CHD3: variants seen among roughly 807,000 people sequenced by gnomAD.
CHD3 encodes chromodomain helicase DNA binding protein 3.
In CHD3, 52 loss-of-function variants were observed where a neutral mutation model predicts 248.9. The observed-to-expected ratio is 0.21, with a 90% confidence interval of 0.17 to 0.26. CHD3 has a LOEUF of 0.26. CHD3 is among the 10% of genes least tolerant of loss of function. The probability of loss-of-function intolerance (pLI) is 1.00; values close to 1 mark genes in which losing one functional copy is unlikely to be tolerated. For synonymous variants in CHD3, 985 were observed against 985.2 expected (o/e 1.00, Z 0.00); for missense variants, 1,482 against 2,605.8 (o/e 0.57, Z 9.39).
chr17:7,885,587 C>T (rs535583020), upstream of CHD3, among the ~76,000 whole-genome samples: 1 of 151,698 alleles, frequency 6.6e-6, no homozygotes, highest in African/African-American at 2.4e-5. Context: ...GCGCGAGCGC[C>T]CCTCGGGCTC....
At position 7,910,741 on chromosome 17, in the gene CHD3, C is replaced by A; in HGVS notation, c.5755-106C>A. The A allele has an allele frequency of 6.6e-7, 1 of 1,517,440 alleles. No individual in the cohort carries two copies. The highest frequency in any genetic ancestry group is 8.9e-7 in the Non-Finnish European group (1 of 1,126,374). 94.0% of individuals were successfully genotyped at this position (1,517,440 alleles called of 1,614,324 possible). A position where few individuals can be genotyped will look rare whatever the true frequency, so the allele number is the denominator to read the frequency against. ...TGAGTGAGTCTCCCTGCCTGTGTAT[C>A]CTACCCTTAGCAGTTGTGGAGTGTG... On this transcript the variant is annotated intron_variant, in intron 38 of 39. Transcript: ENST00000330494. The surrounding 1 kb of genome is among the most constrained non-coding windows in gnomAD (Gnocchi z 4.7).
At position 7,901,388 on chromosome 17, in the gene CHD3, C is replaced by T; in HGVS notation, c.3252+13C>T. 1.3e-6 allele frequency: 2 copies of T among 1,579,390 alleles called. No individual in the cohort carries two copies. Among genetic ancestry groups the T allele is most frequent in the Non-Finnish European group, 1.7e-6 (2 of 1,159,510 alleles). On this transcript the variant is annotated intron_variant, in intron 20 of 39. Transcript: ENST00000330494. ...CATCTTCTCGCAGGTGACCTGTGCC[C>T]TTAGCTGTCTTTACATCTGCTTCCT... is the stretch of plus-strand genomic sequence containing the variant.
chr17:7,900,519 C>CT lies in CHD3; in HGVS notation c.2805-37dup, dbSNP rs1189309012. On this transcript the variant is annotated intron_variant, in intron 17 of 39. Coordinates refer to ENST00000330494, the MANE Select transcript of CHD3 (RefSeq NM_001005273.3). The surrounding 1 kb of genome is among the most constrained non-coding windows in gnomAD (Gnocchi z 6.5). Reference sequence around the variant, plus strand: ...TAAGTCTGAGATCAGGGGCAAGGAACTTGCCGACCTGTTAATTTTCTTCTC... The same window carrying CT: ...TAAGTCTGAGATCAGGGGCAAGGAACTTTGCCGACCTGTTAATTTTCTTCTC... 8 of 1,609,556 alleles carry CT rather than the reference C, an allele frequency of 5.0e-6. No individual in the cohort carries two copies. The South Asian group carries it at 8.8e-5, about 18-fold the overall frequency.
At position 7,908,563 on chromosome 17, in the gene CHD3, A is replaced by C; in HGVS notation, c.5261+53A>C. 6.3e-7 allele frequency: 1 copy of C among 1,594,668 alleles called. No individual in the cohort carries two copies. Among genetic ancestry groups the C allele is most frequent in the Non-Finnish European group, 8.6e-7 (1 of 1,165,490 alleles). The stretch of plus-strand genomic sequence containing the variant: ...AAAAGGTTCTCTCAAGCTGGCAAAA[A>C]AAAAAAAGATGATTTCACACCCAGG... On this transcript the variant is annotated intron_variant, in intron 35 of 39. Coordinates refer to ENST00000330494, the MANE Select transcript of CHD3 (RefSeq NM_001005273.3). The surrounding 1 kb of genome is among the most constrained non-coding windows in gnomAD (Gnocchi z 5.8).
In CHD3 at chr17:7,910,901, G is replaced by A. The variant is rs374465330; in HGVS notation, c.5809G>A (p.Ala1937Thr). The change falls in exon 39 of 40, where the codon GCC (alanine) becomes ACC (threonine). Residue 1937 changes from alanine (A) to threonine (T), a missense_variant. Physicochemically the swap from Ala to Thr is moderately conservative, Grantham distance 58 (BLOSUM62 0). This residue lies in a region of CHD3 where 117 missense variants were observed against 137.2 expected (regional missense o/e 0.85). Transcript: ENST00000330494. This position sits in a 1 kb window ranked among gnomAD's most constrained non-coding sequence, Gnocchi z 4.7. ...TPPGYGAAFS[A>T]APVGALAAAG... ...TCCGGGGTACGGGGCGGCCTTCAGC[G>A]CCGCACCCGTAGGGGCCCTGGCCGC... 1.2e-5 allele frequency: 20 copies of A among 1,613,424 alleles called. No individual in the cohort carries two copies. Among genetic ancestry groups the A allele is most frequent in the Admixed American group, 3.3e-5 (2 of 59,762 alleles).
At position 7,910,897 on chromosome 17, in the gene CHD3, C is replaced by T; in HGVS notation, c.5805C>T (p.Phe1935=). 1.2e-6 allele frequency: 2 copies of T among 1,613,454 alleles called. No homozygotes were observed. Among genetic ancestry groups the T allele is most frequent in the Non-Finnish European group, 1.7e-6 (2 of 1,179,806 alleles). Residue 1935 remains phenylalanine, a synonymous_variant, in exon 39 of 40, where the codon TTC becomes TTT. Coordinates refer to ENST00000330494, the MANE Select transcript of CHD3 (RefSeq NM_001005273.3). The surrounding 1 kb of genome is among the most constrained non-coding windows in gnomAD (Gnocchi z 4.7). ...YATPPGYGAA[F]SAAPVGALAA... ...CACCTCCGGGGTACGGGGCGGCCTT[C>T]AGCGCCGCACCCGTAGGGGCCCTGG...
At chr17:7,888,765 T>C, upstream of CHD3, 1 of 1,368,676 alleles carries the variant, frequency 7.3e-7, no homozygotes, top group Non-Finnish European at 9.4e-7. Flanking sequence ...AGAAGGCATA[T>C]GCTGGGTGTG....
intron 10 of CHD3, among the ~76,000 whole-genome samples, chr17:7,896,133 CAGG>C (rs1399952412): frequency 6.8e-6 from 1 of 146,482 alleles, no homozygotes; most frequent in Non-Finnish European, 1.5e-5. Flanking sequence ...GAGGCTGAGA[CAGG>C]AGAATGGCGT....
rs897008872 is a variant in CHD3, at chr17:7,911,086, C to T, written c.5881+113C>T. On this transcript the variant is annotated intron_variant, in intron 39 of 39. Coordinates refer to ENST00000330494, the MANE Select transcript of CHD3 (RefSeq NM_001005273.3). This position sits in a 1 kb window ranked among gnomAD's most constrained non-coding sequence, Gnocchi z 5.4. ...TCCATCTCATTTCCTTGGTGGTATC[C>T]GGTGTTTTATGGGATAGAGTTGTTC... is the stretch of plus-strand genomic sequence containing the variant. The T allele has an allele frequency of 1.3e-4, 185 of 1,468,916 alleles. No individual in the cohort carries two copies. Among genetic ancestry groups the T allele is most frequent in the Middle Eastern group, 1.8e-4 (1 of 5,700 alleles). 91.0% of individuals were successfully genotyped at this position (1,468,916 alleles called of 1,614,324 possible). A position where few individuals can be genotyped will look rare whatever the true frequency, so the allele number is the denominator to read the frequency against.
At position 7,908,772 on chromosome 17, in the gene CHD3, A is replaced by G; in HGVS notation, c.5337A>G (p.Glu1779=). ...TTATCAACGAGCCATTTAAAACTGA[A>G]GCCAATAAGGGGAACTTTCTGGAGA... ...FAIINEPFKT[E]ANKGNFLEMK... is the part of the protein sequence containing the mutation. Residue 1779 remains glutamate, a synonymous_variant, in exon 36 of 40, where the codon GAA becomes GAG. Transcript: ENST00000330494. This position sits in a 1 kb window ranked among gnomAD's most constrained non-coding sequence, Gnocchi z 5.8. The G allele has an allele frequency of 1.2e-6, 2 of 1,614,170 alleles. No individual in the cohort carries two copies. The highest frequency in any genetic ancestry group is 1.7e-6 in the Non-Finnish European group (2 of 1,180,022).
rs755284132 is a variant in CHD3 at position 7,894,274 on chromosome 17, T to C, written c.1075+9T>C. On this transcript the variant is annotated intron_variant, in intron 7 of 39. Coordinates refer to ENST00000330494, the MANE Select transcript of CHD3 (RefSeq NM_001005273.3). Reference sequence around the variant, plus strand: ...AAGGAAGAAGAAGAAGGGTAAGGAGTGTTGACTGTGTGTGATCCTGTCAGT... The same window carrying C: ...AAGGAAGAAGAAGAAGGGTAAGGAGCGTTGACTGTGTGTGATCCTGTCAGT... 2.5e-6 allele frequency: 4 copies of C among 1,611,854 alleles called. No homozygotes were observed. Among genetic ancestry groups the C allele is most frequent in the Non-Finnish European group, 3.4e-6 (4 of 1,178,950 alleles).
Position 7,895,564 on chromosome 17 carries a change from C to G in CHD3, c.1707+22C>G, listed in dbSNP as rs1476276533. 1 of 1,601,408 alleles carries G rather than the reference C, an allele frequency of 6.2e-7. No homozygotes were observed. The highest frequency in any genetic ancestry group is 1.7e-5 in the Admixed American group (1 of 59,922). Reference sequence around the variant, plus strand: ...TCAGGTACTAGGACCTTTTCTTTCCCTCTCCCCCATGACCTCATTTCCTGC... The same window carrying G: ...TCAGGTACTAGGACCTTTTCTTTCCGTCTCCCCCATGACCTCATTTCCTGC... On this transcript the variant is annotated intron_variant, in intron 10 of 39. Transcript: ENST00000330494. The surrounding 1 kb of genome is among the most constrained non-coding windows in gnomAD (Gnocchi z 4.9).
rs1968408363 is a variant in CHD3 at position 7,888,896 on chromosome 17, C to T, written c.-105C>T. The T allele has an allele frequency of 6.4e-7, 1 of 1,558,350 alleles. No homozygotes were observed. The highest frequency in any genetic ancestry group is 8.7e-7 in the Non-Finnish European group (1 of 1,153,492). On this transcript the variant is annotated 5_prime_UTR_variant, in exon 1 of 40. Transcript: ENST00000330494. ...ATCGGGAAACAAAGGGTATGGCCCC[C>T]TAGTTCCCAAAGGGAGCAGGGAGAT... is the stretch of plus-strand genomic sequence containing the variant.
chr17:7,910,874 C>A lies in CHD3; in HGVS notation c.5782C>A (p.Pro1928Thr), dbSNP rs753648357. Residue 1928 changes from proline (P) to threonine (T), a missense_variant, in exon 39 of 40, where the codon CCT (proline) becomes ACT (threonine). Pro to Thr is a conservative substitution (Grantham distance 38). Coordinates refer to ENST00000330494, the MANE Select transcript of CHD3 (RefSeq NM_001005273.3). The surrounding 1 kb of genome is among the most constrained non-coding windows in gnomAD (Gnocchi z 4.7). ...PAYPPGPYAT[P>T]PGYGAAFSAA... The stretch of plus-strand genomic sequence containing the variant: ...CTACCCGCCGGGTCCCTACGCTACA[C>A]CTCCGGGGTACGGGGCGGCCTTCAG... 1 of 1,611,868 alleles carries A rather than the reference C, an allele frequency of 6.2e-7. No individual in the cohort carries two copies. The highest frequency in any genetic ancestry group is 1.7e-5 in the Admixed American group (1 of 59,096).
In CHD3 at chr17:7,907,659, C is replaced by T; in HGVS notation, c.4983C>T (p.His1661=). The T allele has an allele frequency of 6.5e-7, 1 of 1,535,416 alleles. No individual in the cohort carries two copies. Among genetic ancestry groups the T allele is most frequent in the Non-Finnish European group, 8.7e-7 (1 of 1,148,748 alleles). The change falls in exon 33 of 40, where the codon CAC becomes CAT. Residue 1661 remains histidine (H), a synonymous_variant. Transcript: ENST00000330494. This position sits in a 1 kb window ranked among gnomAD's most constrained non-coding sequence, Gnocchi z 4.3. ...GEEKPLDGQE[H]RERPEGETGD... is the part of the protein sequence containing the mutation. ...AGAAGCCGTTGGATGGACAGGAACA[C>T]AGGGAGAGGCCGGAGGGGGAAACAG... is the stretch of plus-strand genomic sequence containing the variant.
At chr17:7,885,064 G>GCCGCCC (rs1967561523), upstream of CHD3, 2 of 984,160 alleles carry the variant, frequency 2.0e-6, no homozygotes, top group Non-Finnish European at 2.4e-6. Flanking sequence ...TGCCCCCGCC[G>GCCGCCC]CCGCCGCCCC....
At position 7,895,625 on chromosome 17, in the gene CHD3, T is replaced by C; in HGVS notation, c.1707+83T>C. On this transcript the variant is annotated intron_variant, in intron 10 of 39. Coordinates refer to ENST00000330494, the MANE Select transcript of CHD3 (RefSeq NM_001005273.3). The surrounding 1 kb of genome is among the most constrained non-coding windows in gnomAD (Gnocchi z 4.9). ...CTCTCTTACTCCTCTGTTTGTTGGG[T>C]TCCCATACTCTTTGTTTTCTCTCAT... is the stretch of plus-strand genomic sequence containing the variant. 1 of 1,239,560 alleles carries C rather than the reference T, an allele frequency of 8.1e-7. No individual in the cohort carries two copies. 76.8% of individuals were successfully genotyped at this position (1,239,560 alleles called of 1,614,324 possible). A position where few individuals can be genotyped will look rare whatever the true frequency, so the allele number is the denominator to read the frequency against.
chr17:7,893,491 C>A lies in CHD3; in HGVS notation c.715C>A (p.Pro239Thr). ...GGCCACCCCCATAGCACCCTCCGGA[C>A]CCCCCGCCCTTCCACCACCCCCTGC... ...SSATPIAPSG[P>T]PALPPPPAAD... The change falls in exon 5 of 40, where the codon CCC becomes ACC. Residue 239 changes from proline (P) to threonine (T), a missense_variant. Around this residue, in one of 20 missense-constraint regions of CHD3, gnomAD observed 149 missense variants for 182.6 expected, o/e 0.82. Transcript: ENST00000330494. 4 of 1,411,470 alleles carry A rather than the reference C, an allele frequency of 2.8e-6. No homozygotes were observed. The highest frequency in any genetic ancestry group is 3.9e-6 in the Non-Finnish European group (4 of 1,014,846). 87.4% of individuals were successfully genotyped at this position (1,411,470 alleles called of 1,614,324 possible).
chr17:7,907,618 G>A lies in CHD3; in HGVS notation c.4942G>A (p.Gly1648Arg). 6.6e-7 allele frequency: 1 copy of A among 1,518,578 alleles called. No individual in the cohort carries two copies. The highest frequency in any genetic ancestry group is 8.8e-7 in the Non-Finnish European group (1 of 1,136,686). 94.1% of individuals were successfully genotyped at this position (1,518,578 alleles called of 1,614,324 possible). The stretch of plus-strand genomic sequence containing the variant: ...TCCCACAGCCACAGAGTCGACGCCA[G>A]GAGAAAGGGGGGAGGAGAAGCCGTT... ...REKSATESTP[G>R]ERGEEKPLDG... Residue 1648 changes from glycine (G) to arginine (R), a missense_variant, in exon 33 of 40, where the codon GGA becomes AGA. Gly to Arg is a moderately radical substitution (Grantham distance 125). Transcript: ENST00000330494. The surrounding 1 kb of genome is among the most constrained non-coding windows in gnomAD (Gnocchi z 4.3).
Sources: allele counts gnomAD v4.1 joint callset (sites outside exome capture counted in the v4.1 genomes callset), GRCh38; gene constraint gnomAD v4.1.1; regional missense constraint gnomAD v4.1.1; non-coding constraint Gnocchi (gnomAD v3.1); transcripts MANE v1.5; gene names NCBI Gene and HGNC (gene_info 2026-07-23, HGNC 2026-07-21).